The following LPXN variants were observed in gnomAD, a reference collection of about 807,000 sequenced individuals.
LPXN encodes the protein leupaxin.
LPXN carries 28 observed loss-of-function variants against 45.6 expected under a neutral mutation model. The observed-to-expected ratio is 0.61, with a 90% CI of 0.45 to 0.84. The LOEUF (loss-of-function observed/expected upper bound fraction) is 0.84. LPXN is among the 40% of genes least tolerant of loss of function. The pLI, the probability that LPXN is intolerant of heterozygous loss-of-function variation, is 0.00. For missense variants in LPXN, 459 were observed against 475.0 expected, an observed-to-expected ratio of 0.97 and a Z score of 0.31; for synonymous variants, 166 against 169.9, an observed-to-expected ratio of 0.98 and a Z score of 0.18.
At position 58,551,199 on chromosome 11, in the gene LPXN, AG is replaced by A; in HGVS notation, c.351del (p.Leu118TyrfsTer46). 1 of 1,611,008 alleles carries A rather than the reference AG, an allele frequency of 6.2e-7. No individual in the cohort carries two copies. The highest frequency in any genetic ancestry group is 8.5e-7 in the Non-Finnish European group (1 of 1,178,650). The stretch of plus-strand genomic sequence containing the variant: ...GCCTTGTGATCCTGCTTGTCTGGTA[AG>A]TGCTTCTTGCCAGCATCTGCTCTCA... ...VAVRADAGKK[H>X]LPDKQDHKAS... On this transcript the variant is annotated frameshift_variant, in exon 5 of 9. Coordinates refer to ENST00000395074, the MANE Select transcript of LPXN (RefSeq NM_004811.3). LOFTEE classifies it high-confidence loss of function.
Position 58,575,740 on chromosome 11 carries a change from T to G in LPXN, c.13+20A>C. 4 of 1,614,168 alleles carry G rather than the reference T, an allele frequency of 2.5e-6. No individual in the cohort carries two copies. Among genetic ancestry groups the G allele is most frequent in the Non-Finnish European group, 3.4e-6 (4 of 1,179,992 alleles). ...CAAGTCTTCACTCCCTCAGAGTTTC[T>G]CCTCAGGCTCCTCACTCACCTAACT... is the stretch of plus-strand genomic sequence containing the variant. On this transcript the variant is annotated intron_variant, in intron 1 of 8. Transcript: ENST00000395074.
chr11:58,577,221 A>C (rs1401362079), upstream of LPXN, among the ~76,000 whole-genome samples: 1 of 152,176 alleles, frequency 6.6e-6, no homozygotes, highest in Non-Finnish European at 1.5e-5. Context: ...TTCCTTCCAA[A>C]AGTCTGCTCA....
chr11:58,574,426 T>TA lies in LPXN; in HGVS notation c.13+1333dup, dbSNP rs1276060347. Among the ~76,000 whole-genome samples the TA allele has an allele frequency of 3.3e-5, 5 of 152,324 alleles. No individual in the cohort carries two copies. In the East Asian group the frequency reaches 9.6e-4, roughly 29 times the overall value. On this transcript the variant is annotated intron_variant, in intron 1 of 8. Coordinates refer to ENST00000395074, the MANE Select transcript of LPXN (RefSeq NM_004811.3). The stretch of plus-strand genomic sequence containing the variant: ...TTTTCTCATCTGAAAAAGAAGTGGA[T>TA]AACACCTATTTCAGAGGGTTGCTGC...
chr11:58,566,947 G>C (rs1854543861), intron 2 of LPXN, among the ~76,000 whole-genome samples: 1 of 152,036 alleles, frequency 6.6e-6, no homozygotes, highest in Non-Finnish European at 1.5e-5. Context: ...GCATGGTAGT[G>C]TTCAATATCA....
At chr11:58,548,367 A>G (rs974098301) in intron 7 of LPXN, among the ~76,000 whole-genome samples, 21 of 152,104 alleles carry the variant, frequency 1.4e-4, no homozygotes, top group African/African-American at 5.1e-4. Flanking sequence ...TTAATGAACC[A>G]GAATGACTGC....
chr11:58,573,072 C>T lies in LPXN; in HGVS notation c.14-2359G>A, dbSNP rs544122973. Reference sequence around the variant, plus strand: ...ACCAGCCTGACCAACATGGAGAAAACCCGTCTCTACTAAAAACACAAAATT... The same window carrying T: ...ACCAGCCTGACCAACATGGAGAAAATCCGTCTCTACTAAAAACACAAAATT... On this transcript the variant is annotated intron_variant, in intron 1 of 8. Coordinates refer to ENST00000395074, the MANE Select transcript of LPXN (RefSeq NM_004811.3). Among the ~76,000 whole-genome samples the T allele has an allele frequency of 3.9e-5, 6 of 151,958 alleles. No homozygotes were observed. In the East Asian group the frequency reaches 1.2e-3, roughly 29 times the overall value.
chr11:58,564,463 T>C (rs1252848255), intron 2 of LPXN, among the ~76,000 whole-genome samples: 1 of 152,032 alleles, frequency 6.6e-6, no homozygotes, highest in Non-Finnish European at 1.5e-5. Context: ...AATAGAGAAG[T>C]TGATCCTCCT....
Position 58,551,092 on chromosome 11 carries a change from T to C in LPXN, c.459A>G (p.Ala153=). Residue 153 remains alanine (A), a synonymous_variant, in exon 5 of 9, where the codon GCA becomes GCG. Transcript: ENST00000395074. ...TCCCAGCAATCGGTTTCTGGCAGGA[T>C]GCACAATGGCCCTTGGGCACTGTGG... ...GIATVPKGHC[A]SCQKPIAGKV... 6.3e-7 allele frequency: 1 copy of C among 1,584,816 alleles called. No individual in the cohort carries two copies. The highest frequency in any genetic ancestry group is 8.6e-7 in the Non-Finnish European group (1 of 1,167,164).
At chr11:58,537,144 A>C (rs1050339789) in intron 7 of LPXN, among the ~76,000 whole-genome samples, 10 of 152,256 alleles carry the variant, frequency 6.6e-5, no homozygotes, top group African/African-American at 2.4e-4. Flanking sequence ...CATTTGACTC[A>C]GCAATCCCAT....
chr11:58,550,572 G>A (rs1490585435), intron 5 of LPXN, among the ~76,000 whole-genome samples: 2 of 152,188 alleles, frequency 1.3e-5, no homozygotes, highest in Non-Finnish European at 2.9e-5. Flanking sequence ...AGGTCTCAAA[G>A]CTTTTTATCA....
intron 7 of LPXN, among the ~76,000 whole-genome samples, chr11:58,548,038 G>A (rs1853928267): frequency 1.3e-5 from 2 of 151,990 alleles, no homozygotes; most frequent in African/African-American, 2.4e-5. Context: ...AAGGATCAAG[G>A]ATAAAAAAAA....
At chr11:58,527,751 G>C in intron 8 of LPXN, 28 bp from the exon 9 acceptor site, 10 of 1,598,654 alleles carry the variant, frequency 6.3e-6, no homozygotes, top group African/African-American at 1.3e-5. Flanking sequence ...GAGAGAAAAA[G>C]AATGCAAATG....
In LPXN at chr11:58,567,717, T is replaced by C. The variant is rs1045823046; in HGVS notation, c.171+2839A>G. Among the ~76,000 whole-genome samples, 10 of 152,240 alleles carry C rather than the reference T, an allele frequency of 6.6e-5. No homozygotes were observed. The South Asian group carries it at 1.2e-3, about 19-fold the overall frequency. ...TCTGGTTTTCAAAGGGATAGTGATC[T>C]TTCTACTTGCCTGCATGGTACATGG... On this transcript the variant is annotated intron_variant, in intron 2 of 8. Coordinates refer to ENST00000395074, the MANE Select transcript of LPXN (RefSeq NM_004811.3).
Position 58,527,395 on chromosome 11 carries a change from C to G in LPXN, c.*59G>C. 6.4e-7 allele frequency: 1 copy of G among 1,559,936 alleles called. No individual in the cohort carries two copies. Among genetic ancestry groups the G allele is most frequent in the Non-Finnish European group, 8.8e-7 (1 of 1,138,902 alleles). On this transcript the variant is annotated 3_prime_UTR_variant, in exon 9 of 9. Coordinates refer to ENST00000395074, the MANE Select transcript of LPXN (RefSeq NM_004811.3). Reference sequence around the variant, plus strand: ...TCAGTAACAGAAAATTTACCCTTTCCTCTCCTCTCTTGGTTTAAATTTTAT... The same window carrying G: ...TCAGTAACAGAAAATTTACCCTTTCGTCTCCTCTCTTGGTTTAAATTTTAT...
chr11:58,577,131 A>T (rs1377882402), upstream of LPXN, among the ~76,000 whole-genome samples: 10 of 151,784 alleles, frequency 6.6e-5, no homozygotes, highest in Non-Finnish European at 4.4e-5. Context: ...TTCATTCTCC[A>T]TTCCACTGTC....
chr11:58,570,218 G>A (rs960521966), intron 2 of LPXN, among the ~76,000 whole-genome samples: 2 of 151,602 alleles, frequency 1.3e-5, no homozygotes, highest in Non-Finnish European at 2.9e-5. Context: ...CAGGAGAATC[G>A]CTTGAACCTG....
intron 3 of LPXN, among the ~76,000 whole-genome samples, chr11:58,559,804 A>G (rs916599583): frequency 6.6e-6 from 1 of 152,232 alleles, no homozygotes; most frequent in African/African-American, 2.4e-5. Flanking sequence ...TGAGCCCAGG[A>G]GGTCAAGGCT....
At chr11:58,567,878 AAAAC>A (rs1854570272) in intron 2 of LPXN, among the ~76,000 whole-genome samples, 1 of 152,234 alleles carries the variant, frequency 6.6e-6, no homozygotes, top group African/African-American at 2.4e-5. Flanking sequence ...ACCATATAAT[AAAAC>A]AAATAGAGCT....
intron 1 of LPXN, among the ~76,000 whole-genome samples, chr11:58,572,977 G>C (rs1854754195): frequency 1.3e-5 from 2 of 152,140 alleles, no homozygotes; most frequent in Admixed American, 6.5e-5. Flanking sequence ...GGGCATGGTG[G>C]CTCATGCCTG....
Sources: gnomAD v4.1 joint callset for allele counts (sites outside exome capture counted in the v4.1 genomes callset) on GRCh38, gnomAD v4.1.1 for gene constraint, MANE v1.5 for transcripts, NCBI Gene and HGNC (gene_info 2026-07-23, HGNC 2026-07-21) for gene names.